The following ATP6V0A4 variants were observed in gnomAD, a reference collection of about 807,000 sequenced individuals.
The protein encoded by ATP6V0A4 is V-type proton ATPase 116 kDa subunit a 4.
ATP6V0A4 carries 86 observed loss-of-function variants against 107.3 expected under a neutral mutation model. The ratio of observed to expected loss-of-function variants is 0.80; its 90% confidence interval spans 0.67 to 0.96. The LOEUF is 0.96. Among genes scored for constraint, ATP6V0A4 ranks in the 40% least tolerant of loss-of-function variants. The pLI, the probability that ATP6V0A4 is intolerant of heterozygous loss-of-function variation, is 0.00. For missense variants in ATP6V0A4, 908 were observed against 1,045.6 expected (o/e 0.87, Z 1.81); for synonymous variants, 353 against 381.4 (o/e 0.93, Z 0.87).
chr7:138,708,541 A>G (rs1469166456), intron 21 of ATP6V0A4, among the ~76,000 whole-genome samples: 1 of 152,192 alleles, frequency 6.6e-6, no homozygotes, highest in Non-Finnish European at 1.5e-5. Context: ...TCTGCAGCTG[A>G]AGGGCATGCA....
chr7:138,707,576 A>G (rs1024181186), intron 21 of ATP6V0A4, among the ~76,000 whole-genome samples: 3 of 148,782 alleles, frequency 2.0e-5, no homozygotes, highest in African/African-American at 7.5e-5. Context: ...TAATTTTTGT[A>G]TTTTTAGTAA....
intron 15 of ATP6V0A4, among the ~76,000 whole-genome samples, 194 bp downstream of exon 15, chr7:138,739,346 G>T (rs1452980664): frequency 2.0e-5 from 3 of 152,180 alleles, no homozygotes; most frequent in Non-Finnish European, 4.4e-5. Flanking sequence ...ATGGAAAATG[G>T]GGCTGGGTAG....
chr7:138,745,943 CAAAAA>C (rs1185253786), intron 13 of ATP6V0A4, among the ~76,000 whole-genome samples: 1 of 72,298 alleles, frequency 1.4e-5, no homozygotes, highest in Admixed American at 2.3e-4. Context: ...GACTCTGTCT[CAAAAA>C]AAAAAAAAAA....
chr7:138,739,689 A>C, intron 14 of ATP6V0A4, 56 bp from the exon 15 acceptor site: 1 of 1,604,204 alleles, frequency 6.2e-7, no homozygotes, highest in Non-Finnish European at 8.5e-7. Context: ...CAGAAAAGAT[A>C]CTATAATACC....
chr7:138,796,101 T>A (rs902863317), intron 1 of ATP6V0A4, among the ~76,000 whole-genome samples: 9 of 152,092 alleles, frequency 5.9e-5, no homozygotes, highest in African/African-American at 1.7e-4. Context: ...CACTGCAGGG[T>A]TTACTTGTGA....
intron 19 of ATP6V0A4, among the ~76,000 whole-genome samples, chr7:138,719,761 T>C (rs925991864): frequency 2.0e-5 from 3 of 152,214 alleles, no homozygotes; most frequent in Non-Finnish European, 2.9e-5. Flanking sequence ...GGCTCACGCC[T>C]GTAATCTCAG....
chr7:138,719,167 T>C (rs577495855), intron 19 of ATP6V0A4, among the ~76,000 whole-genome samples: 166 of 152,226 alleles, frequency 1.1e-3, no homozygotes, highest in African/African-American at 3.8e-3. Context: ...GCCTCAGCAA[T>C]AGAACAAGAC....
At chr7:138,751,266 G>T (rs553679133) in intron 11 of ATP6V0A4, among the ~76,000 whole-genome samples, 111 of 152,132 alleles carry the variant, frequency 7.3e-4, no homozygotes, top group Non-Finnish European at 1.4e-3. Flanking sequence ...CCTCCCACCG[G>T]CCCTGCTGCT....
chr7:138,777,632 AT>A (rs376115738), intron 2 of ATP6V0A4, among the ~76,000 whole-genome samples: 5,643 of 103,514 alleles, frequency 0.055, 167 homozygotes, highest in Non-Finnish European at 0.074. Context: ...AAAAAAAAAA[AT>A]ACACACACAC....
chr7:138,769,438 C>G (rs1221077300), intron 3 of ATP6V0A4, 187 bp from the exon 4 acceptor site: 1 of 550,254 alleles, frequency 1.8e-6, no homozygotes, highest in Non-Finnish European at 2.3e-6. Context: ...CCTCAGCCTC[C>G]CAAGTAACTG....
intron 11 of ATP6V0A4, among the ~76,000 whole-genome samples, chr7:138,752,345 G>C (rs1318573551): frequency 5.3e-5 from 8 of 151,028 alleles, no homozygotes; most frequent in Non-Finnish European, 1.2e-4. Context: ...ACAACAGCCT[G>C]GGCTACAGAG....
chr7:138,737,127 T>TATATATATATATATATATATATATATA (rs1365519910), intron 15 of ATP6V0A4, among the ~76,000 whole-genome samples: 28 of 131,510 alleles, frequency 2.1e-4, no homozygotes, highest in African/African-American at 6.9e-4. Context: ...TATATATATA[T>TATATATATATATATATATATATATATA]GATACAAACT....
intron 15 of ATP6V0A4, among the ~76,000 whole-genome samples, chr7:138,735,259 C>A (rs758464532): frequency 2.4e-4 from 37 of 152,314 alleles, no homozygotes; most frequent in Non-Finnish European, 4.3e-4. Context: ...TCCACTCCCA[C>A]TCTGTGGAAA....
Position 138,719,489 on chromosome 7 carries a change from C to T in ATP6V0A4, c.2139+2408G>A, listed in dbSNP as rs150248499. On this transcript the variant is annotated intron_variant, in intron 19 of 21. Coordinates refer to ENST00000310018, the MANE Select transcript of ATP6V0A4 (RefSeq NM_020632.3). Reference sequence around the variant, plus strand: ...GCAGCAACTGCTGGGGCTGCATCCACCAATCAATCATCAGTCAATCAATCA... The same window carrying T: ...GCAGCAACTGCTGGGGCTGCATCCATCAATCAATCATCAGTCAATCAATCA... Among the ~76,000 whole-genome samples, 187 of 152,294 alleles carry T rather than the reference C, an allele frequency of 1.2e-3. 1 individual carries two copies. Among genetic ancestry groups the T allele is most frequent in the South Asian group, 4.4e-3 (21 of 4,820 alleles).
intron 1 of ATP6V0A4, among the ~76,000 whole-genome samples, chr7:138,792,767 T>TTTG (rs1808476462): frequency 1.4e-5 from 1 of 69,346 alleles, no homozygotes; most frequent in Non-Finnish European, 2.7e-5. Flanking sequence ...CTCAGGTTTG[T>TTTG]TTTTTTTTTT....
rs779395586 is a variant in ATP6V0A4, at chr7:138,752,720, A to C, written c.934T>G (p.Cys312Gly). Reference protein sequence around the residue: ...MKAVYHILNMCNIDVTQQCVI... With the variant: ...MKAVYHILNMGNIDVTQQCVI... Reference sequence around the variant, plus strand: ...CACTGCTGGGTGACGTCGATGTTGCACATGTTCAGGATGTGGTAGACAGCT... The same window carrying C: ...CACTGCTGGGTGACGTCGATGTTGCCCATGTTCAGGATGTGGTAGACAGCT... Residue 312 changes from cysteine to glycine, a missense_variant, in exon 11 of 22, where the codon TGC becomes GGC. Cys to Gly is a radical substitution (Grantham distance 159). Coordinates refer to ENST00000310018, the MANE Select transcript of ATP6V0A4 (RefSeq NM_020632.3). 2 of 1,614,114 alleles carry C rather than the reference A, an allele frequency of 1.2e-6. No individual in the cohort carries two copies. The highest frequency in any genetic ancestry group is 8.5e-7 in the Non-Finnish European group (1 of 1,180,002).
intron 1 of ATP6V0A4, among the ~76,000 whole-genome samples, chr7:138,787,824 C>T (rs988196981): frequency 6.6e-6 from 1 of 151,938 alleles, no homozygotes; most frequent in African/African-American, 2.4e-5. Flanking sequence ...AGAGCAAGAC[C>T]TCAACTCTAC....
rs1031673088 is a variant in ATP6V0A4, at chr7:138,751,162, C to G, written c.1029+1463G>C. 3.9e-5 allele frequency among the ~76,000 whole-genome samples: 6 copies of G among 152,248 alleles called. No individual in the cohort carries two copies. In the East Asian group the frequency reaches 7.7e-4, roughly 20 times the overall value. Reference sequence around the variant, plus strand: ...CACCCACTCCTCAACCTAATGGCTTCACTCCTCCCACCCCGTGAAATTATT... The same window carrying G: ...CACCCACTCCTCAACCTAATGGCTTGACTCCTCCCACCCCGTGAAATTATT... On this transcript the variant is annotated intron_variant, in intron 11 of 21. Coordinates refer to ENST00000310018, the MANE Select transcript of ATP6V0A4 (RefSeq NM_020632.3).
chr7:138,718,410 AG>A (rs1416420049), intron 19 of ATP6V0A4, among the ~76,000 whole-genome samples: 2 of 64,568 alleles, frequency 3.1e-5, no homozygotes, highest in South Asian at 6.0e-4. Flanking sequence ...CCAGGAAGGA[AG>A]GGGGGGCGTG....
Sources: allele counts gnomAD v4.1 joint callset (sites outside exome capture counted in the v4.1 genomes callset), GRCh38; gene constraint gnomAD v4.1.1; transcripts MANE v1.5; gene names NCBI Gene and HGNC (gene_info 2026-07-23, HGNC 2026-07-21).